CELF1: variants seen among roughly 807,000 people sequenced by gnomAD.
CELF1 encodes CUGBP Elav-like family member 1, also known as 50 kDa nuclear polyadenylated RNA-binding protein.
CELF1 carries 10 observed loss-of-function variants against 61.8 expected under a neutral mutation model. The observed-to-expected ratio is 0.16, with a 90% CI of 0.10 to 0.27. The LOEUF is 0.27. CELF1 is among the 10% of genes least tolerant of loss of function. The pLI, the probability that CELF1 is intolerant of heterozygous loss-of-function variation, is 1.00. For missense variants in CELF1, 380 were observed against 639.1 expected, an observed-to-expected ratio of 0.59 and a Z score of 4.37; for synonymous variants, 236 against 225.1, an observed-to-expected ratio of 1.05 and a Z score of -0.43.
chr11:47,471,460 C>G lies in CELF1; in HGVS notation c.*770G>C, dbSNP rs2077685400. ...TTCTCCCAAACTGCCACCAGCCAGGCAAGGCCAATCCAATACTGACTGCTG... is the reference window on the plus strand; with the variant it reads ...TTCTCCCAAACTGCCACCAGCCAGGGAAGGCCAATCCAATACTGACTGCTG... On this transcript the variant is annotated 3_prime_UTR_variant, in exon 15 of 15. Coordinates refer to ENST00000687097, the MANE Select transcript of CELF1 (RefSeq NM_001376376.1). 6.6e-6 allele frequency: 1 copy of G among 152,206 alleles called. No individual in the cohort carries two copies. The highest frequency in any genetic ancestry group is 1.5e-5 in the Non-Finnish European group (1 of 68,046). 9.4% of individuals were successfully genotyped at this position (152,206 alleles called of 1,614,324 possible). A position where few individuals can be genotyped will look rare whatever the true frequency, so the allele number is the denominator to read the frequency against.
At chr11:47,483,370 G>T in intron 8 of CELF1, 83 bp downstream of exon 8, 1 of 1,031,340 alleles carries the variant, frequency 9.7e-7, no homozygotes, top group Non-Finnish European at 1.5e-6. Flanking sequence ...ATCAGATGCT[G>T]CACATGCTGC....
At chr11:47,473,444 T>C (rs145552430) in intron 13 of CELF1, among the ~76,000 whole-genome samples, 107 of 152,280 alleles carry the variant, frequency 7.0e-4, no homozygotes, top group African/African-American at 2.2e-3. Flanking sequence ...CCAAGCTCCA[T>C]CTCATTGAGG....
chr11:47,519,982 TG>T (rs2095797670), intron 1 of CELF1, among the ~76,000 whole-genome samples: 1 of 145,200 alleles, frequency 6.9e-6, no homozygotes, highest in Non-Finnish European at 1.5e-5. Context: ...GTCAGTGCTT[TG>T]ATTTCATTTT....
chr11:47,544,126 AACAGAC>A (rs1361961472), intron 1 of CELF1, among the ~76,000 whole-genome samples: 47 of 152,316 alleles, frequency 3.1e-4, no homozygotes, highest in Non-Finnish European at 5.6e-4. Context: ...CTTAAGCCAC[AACAGAC>A]ACAAGAAAAT....
intron 1 of CELF1, among the ~76,000 whole-genome samples, chr11:47,506,351 C>A (rs1430799789): frequency 2.0e-5 from 3 of 151,470 alleles, no homozygotes; most frequent in African/African-American, 7.3e-5. Context: ...TGCTTGAACC[C>A]GGGAGGCGGA....
At chr11:47,556,606 T>C (rs1321921399), upstream of CELF1, among the ~76,000 whole-genome samples, 1 of 152,196 alleles carries the variant, frequency 6.6e-6, no homozygotes, top group Non-Finnish European at 1.5e-5. Flanking sequence ...CATGATGGCA[T>C]ACTCCCATAA....
intron 1 of CELF1, among the ~76,000 whole-genome samples, chr11:47,504,191 A>G (rs2094251557): frequency 6.6e-6 from 1 of 151,988 alleles, no homozygotes; most frequent in Non-Finnish European, 1.5e-5. Flanking sequence ...AACAAACAAA[A>G]AACAAAACAA....
At position 47,467,247 on chromosome 11, in the gene CELF1, TCTC is replaced by T. The variant is rs1212245937; in HGVS notation, c.*4980_*4982del. On this transcript the variant is annotated 3_prime_UTR_variant, in exon 15 of 15. Transcript: ENST00000687097. The stretch of plus-strand genomic sequence containing the variant: ...CCTCCACAGATCCACCCTGTGCTCC[TCTC>T]CTCACCTCTCCCCCTCCACTCACAT... The T allele has an allele frequency of 6.6e-6, 1 of 152,138 alleles. No individual in the cohort carries two copies. The highest frequency in any genetic ancestry group is 1.9e-4 in the East Asian group (1 of 5,188). The allele number at this position is 152,138 out of a possible 1,614,324, so 9.4% of individuals were successfully genotyped here.
At chr11:47,533,438 A>G (rs549986244) in intron 1 of CELF1, among the ~76,000 whole-genome samples, 44 of 152,270 alleles carry the variant, frequency 2.9e-4, no homozygotes, top group African/African-American at 1.1e-3. Context: ...CCTGGGCAAC[A>G]TGGTGAAACC....
intron 1 of CELF1, among the ~76,000 whole-genome samples, chr11:47,522,765 G>A (rs2096006064): frequency 6.6e-6 from 1 of 151,328 alleles, no homozygotes; most frequent in Non-Finnish European, 1.5e-5. Context: ...GGTGGAGGCT[G>A]CAGTGAGCTG....
At position 47,553,045 on chromosome 11, in the gene CELF1, G is replaced by C. The variant is rs2153786521; in HGVS notation, c.-207C>G. The C allele has an allele frequency of 2.5e-6, 1 of 396,810 alleles. No individual in the cohort carries two copies. The highest frequency in any genetic ancestry group is 3.6e-5 in the East Asian group (1 of 27,952). 24.6% of individuals were successfully genotyped at this position (396,810 alleles called of 1,614,324 possible). A position where few individuals can be genotyped will look rare whatever the true frequency, so the allele number is the denominator to read the frequency against. ...CTCAGTTGCTGCCTGCGCCTCCGCA[G>C]CCGCCGCCGCCGCCTCGCTGCTGAG... On this transcript the variant is annotated 5_prime_UTR_variant, in exon 1 of 15. Transcript: ENST00000687097.
rs1255115178 is a variant in CELF1 at position 47,469,906 on chromosome 11, G to C, written c.*2324C>G. On this transcript the variant is annotated 3_prime_UTR_variant, in exon 15 of 15. Coordinates refer to ENST00000687097, the MANE Select transcript of CELF1 (RefSeq NM_001376376.1). ...AGATGGGGGAAGGCGGAGAGAAGAAGGGGATGTGGGAAGGGAGTGGCGTTC... is the reference window on the plus strand; with the variant it reads ...AGATGGGGGAAGGCGGAGAGAAGAACGGGATGTGGGAAGGGAGTGGCGTTC... The C allele has an allele frequency of 6.6e-6, 1 of 152,412 alleles. No individual in the cohort carries two copies. Among genetic ancestry groups the C allele is most frequent in the Admixed American group, 6.5e-5 (1 of 15,288 alleles). 9.4% of individuals were successfully genotyped at this position (152,412 alleles called of 1,614,324 possible).
intron 9 of CELF1, 107 bp downstream of exon 9, chr11:47,482,588 A>G (rs905418891): frequency 1.9e-6 from 2 of 1,066,014 alleles, no homozygotes; most frequent in South Asian, 3.3e-5. Context: ...TATAATTTCT[A>G]TATGCCAAAA....
intron 1 of CELF1, among the ~76,000 whole-genome samples, chr11:47,535,730 T>C (rs966081374): frequency 1.3e-5 from 2 of 151,022 alleles, no homozygotes; most frequent in African/African-American, 4.9e-5. Flanking sequence ...TTTACTCACC[T>C]AAGCTTTCCT....
Position 47,472,326 on chromosome 11 carries a change from G to A in CELF1, c.1449C>T (p.Ala483=). The A allele has an allele frequency of 1.2e-6, 2 of 1,614,054 alleles. No individual in the cohort carries two copies. Among genetic ancestry groups the A allele is most frequent in the Middle Eastern group, 1.6e-4 (1 of 6,062 alleles). The change falls in exon 15 of 15, where the codon GCC becomes GCT. Residue 483 remains alanine (A), a synonymous_variant. Transcript: ENST00000687097. ...GFVSYDNPVS[A]QAAIQSMNGF... is the part of the protein sequence containing the mutation. The stretch of plus-strand genomic sequence containing the variant: ...CGTTCATGGACTGGATGGCAGCTTG[G>A]GCCGAAACAGGATTGTCGTAACTTA...
chr11:47,504,179 C>T (rs2094250456), intron 1 of CELF1, among the ~76,000 whole-genome samples: 1 of 149,066 alleles, frequency 6.7e-6, no homozygotes, highest in Non-Finnish European at 1.5e-5. Flanking sequence ...TGTCTCAAAA[C>T]AAACAAACAA....
chr11:47,520,438 G>C (rs1329000002), intron 1 of CELF1, among the ~76,000 whole-genome samples: 18 of 152,166 alleles, frequency 1.2e-4, no homozygotes, highest in African/African-American at 4.3e-4. Flanking sequence ...TTATGGATAT[G>C]GCAAAACTTG....
chr11:47,538,803 G>A (rs533844801), intron 1 of CELF1, among the ~76,000 whole-genome samples: 11 of 152,064 alleles, frequency 7.2e-5, no homozygotes, highest in Admixed American at 5.2e-4. Context: ...CGTTAGAAGC[G>A]CTAAACTGTC....
At chr11:47,499,904 C>T (rs1565831548) in intron 2 of CELF1, 1 of 170,762 alleles carries the variant, frequency 5.9e-6, no homozygotes, top group Non-Finnish European at 1.2e-5. Context: ...TGTTTCACAT[C>T]CTCCAAACTC....
Sources: allele counts gnomAD v4.1 joint callset (sites outside exome capture counted in the v4.1 genomes callset), GRCh38; gene constraint gnomAD v4.1.1; transcripts MANE v1.5; gene names NCBI Gene and HGNC (gene_info 2026-07-23, HGNC 2026-07-21).